Variants in JMJD1C observed in about 807,000 individuals in gnomAD.
JMJD1C encodes the protein jumonji domain-containing protein 1C.
A neutral mutation model predicts 245.3 loss-of-function variants in JMJD1C; 31 were observed. The observed-to-expected ratio is 0.13, with a 90% confidence interval of 0.09 to 0.17. The LOEUF (loss-of-function observed/expected upper bound fraction) is 0.17. Among genes scored for constraint, JMJD1C ranks in the 10% least tolerant of loss-of-function variants. The pLI is 1.00. For missense variants in JMJD1C, 2,691 were observed against 3,000.2 expected (o/e 0.90, Z 2.41); for synonymous variants, 1,057 against 1,017.4 (o/e 1.04, Z -0.74).
intron 3 of JMJD1C, among the ~76,000 whole-genome samples, chr10:63,236,546 C>T (rs1009682146): frequency 3.9e-5 from 6 of 152,144 alleles, no homozygotes; most frequent in Admixed American, 2.6e-4. Flanking sequence ...ACAGTTGAGT[C>T]ATCATGAGTT....
intron 3 of JMJD1C, among the ~76,000 whole-genome samples, chr10:63,249,026 G>A (rs1376099386): frequency 2.6e-5 from 4 of 152,286 alleles, no homozygotes; most frequent in African/African-American, 7.2e-5. Flanking sequence ...GTTAACAAGT[G>A]GATGCTTGGC....
chr10:63,437,780 A>G (rs183914247), intron 1 of JMJD1C, among the ~76,000 whole-genome samples: 8 of 152,326 alleles, frequency 5.3e-5, no homozygotes, highest in Admixed American at 4.6e-4. Context: ...CTCATTAGCT[A>G]AAACTGAATT....
At chr10:63,286,489 T>C (rs1025248797) in intron 2 of JMJD1C, among the ~76,000 whole-genome samples, 2 of 152,208 alleles carry the variant, frequency 1.3e-5, no homozygotes, top group Non-Finnish European at 2.9e-5. Context: ...CTTAGACCTT[T>C]TCTTAACAGA....
At chr10:63,252,384 C>T (rs530394871) in intron 3 of JMJD1C, among the ~76,000 whole-genome samples, 1 of 152,298 alleles carries the variant, frequency 6.6e-6, no homozygotes, top group Non-Finnish European at 1.5e-5. Flanking sequence ...ACCCCTAACA[C>T]ATGGATAGGT....
chr10:63,348,929 C>T (rs1218194695), intron 2 of JMJD1C, among the ~76,000 whole-genome samples: 1 of 151,632 alleles, frequency 6.6e-6, no homozygotes, highest in Non-Finnish European at 1.5e-5. Context: ...GGTGAAACCC[C>T]GTCTCTACTA....
intron 24 of JMJD1C, among the ~76,000 whole-genome samples, chr10:63,169,693 G>T (rs568009156): frequency 6.6e-6 from 1 of 152,280 alleles, no homozygotes; most frequent in African/African-American, 2.4e-5. Context: ...GCATAGTAAA[G>T]TAAACATTCT....
At chr10:63,219,294 A>G (rs139470813) in intron 4 of JMJD1C, among the ~76,000 whole-genome samples, 79 of 152,300 alleles carry the variant, frequency 5.2e-4, no homozygotes, top group African/African-American at 1.8e-3. Flanking sequence ...ATTCACAAAG[A>G]CATTCAACAA....
At chr10:63,419,834 T>TAAAAAA (rs34006135) in intron 1 of JMJD1C, among the ~76,000 whole-genome samples, 20 of 114,216 alleles carry the variant, frequency 1.8e-4, no homozygotes, top group Admixed American at 4.8e-4. Context: ...CTCCATGAAA[T>TAAAAAA]AAAAAAAAAA....
chr10:63,341,231 A>G (rs1296339213), intron 2 of JMJD1C, among the ~76,000 whole-genome samples: 1 of 152,242 alleles, frequency 6.6e-6, no homozygotes, highest in Non-Finnish European at 1.5e-5. Flanking sequence ...TTAAAGGTTT[A>G]TGGTGATAAA....
rs368806726 is a variant in JMJD1C, at chr10:63,452,456, A to T, written c.168+13039T>A. ...ATAGTAAGTGTTGACTAGGATGTAG[A>T]GAAACTGGAATCCATCTTCATTGCT... On this transcript the variant is annotated intron_variant, in intron 1 of 25. Transcript: ENST00000399262. Among the ~76,000 whole-genome samples, 5 of 152,356 alleles carry T rather than the reference A, an allele frequency of 3.3e-5. 1 individual carries two copies. The East Asian group carries it at 7.7e-4, about 24-fold the overall frequency.
chr10:63,210,086 T>C (rs1847141606), intron 8 of JMJD1C, among the ~76,000 whole-genome samples: 1 of 152,108 alleles, frequency 6.6e-6, no homozygotes, highest in Non-Finnish European at 1.5e-5. Context: ...AAAAATATAC[T>C]GCTATGAAAT....
chr10:63,200,435 T>A, intron 11 of JMJD1C, 41 bp downstream of exon 11: 3 of 1,461,460 alleles, frequency 2.1e-6, no homozygotes, highest in Non-Finnish European at 2.9e-6. Flanking sequence ...CAATATCAAA[T>A]CAATAAATTA....
chr10:63,488,383 G>C (rs1478396951), intron 1 of JMJD1C, among the ~76,000 whole-genome samples: 2 of 152,044 alleles, frequency 1.3e-5, no homozygotes, highest in Admixed American at 1.3e-4. Flanking sequence ...ACCTTTCTTA[G>C]ATTAAGACCA....
chr10:63,234,273 A>C (rs527362643), intron 3 of JMJD1C, among the ~76,000 whole-genome samples: 46 of 152,060 alleles, frequency 3.0e-4, no homozygotes, highest in Middle Eastern at 3.4e-3. Flanking sequence ...AGGCAGGTGA[A>C]ACGCTGAGCC....
intron 1 of JMJD1C, among the ~76,000 whole-genome samples, chr10:63,480,681 G>A (rs1312792688): frequency 6.6e-6 from 1 of 151,096 alleles, no homozygotes; most frequent in Non-Finnish European, 1.5e-5. Context: ...AATGCCTATA[G>A]ATAGAGGCAC....
chr10:63,196,339 T>C (rs1845456628), intron 13 of JMJD1C, among the ~76,000 whole-genome samples: 1 of 152,166 alleles, frequency 6.6e-6, no homozygotes, highest in Non-Finnish European at 1.5e-5. Context: ...CTTTATCTTA[T>C]TCAAAAAAAG....
intron 3 of JMJD1C, among the ~76,000 whole-genome samples, chr10:63,233,778 CACACA>C (rs766778743): frequency 3.5e-5 from 5 of 141,550 alleles, no homozygotes; most frequent in Admixed American, 1.4e-4. Flanking sequence ...CACACACACA[CACACA>C]CCACCACCAG....
chr10:63,191,227 G>C, intron 16 of JMJD1C, 119 bp from the exon 17 acceptor site: 1 of 689,180 alleles, frequency 1.5e-6, no homozygotes, highest in Non-Finnish European at 2.5e-6. Context: ...TGCCTCCCAG[G>C]TTCAAGTGGT....
upstream of JMJD1C, among the ~76,000 whole-genome samples, chr10:63,469,305 G>A (rs553378675): frequency 2.1e-3 from 326 of 152,246 alleles, 2 homozygotes; most frequent in African/African-American, 7.5e-3. Context: ...CTTTACACAC[G>A]TAATCTCATT....
Sources: gnomAD v4.1 joint callset for allele counts (sites outside exome capture counted in the v4.1 genomes callset) on GRCh38, gnomAD v4.1.1 for gene constraint, MANE v1.5 for transcripts, NCBI Gene and HGNC (gene_info 2026-07-23, HGNC 2026-07-21) for gene names.